Variants in ERC1 observed in about 807,000 individuals in gnomAD.
ERC1 encodes RAB6 interacting protein 2.
In ERC1, 56 loss-of-function variants were observed where a neutral mutation model predicts 132.0. The ratio of observed to expected loss-of-function variants is 0.42; its 90% CI spans 0.34 to 0.53. ERC1 has a LOEUF of 0.53. ERC1 is among the 20% of genes least tolerant of loss of function. ERC1 has a pLI of 0.03. For missense variants in ERC1, 1,202 were observed against 1,349.9 expected, an observed-to-expected ratio of 0.89 and a Z score of 1.72; for synonymous variants, 478 against 476.1, an observed-to-expected ratio of 1.00 and a Z score of -0.05.
intron 7 of ERC1, among the ~76,000 whole-genome samples, chr12:1,139,795 G>A (rs187425977): frequency 5.9e-4 from 89 of 151,344 alleles, no homozygotes; most frequent in African/African-American, 2.0e-3. Context: ...GAATAGAGAC[G>A]AATGATAAAA....
intron 15 of ERC1, among the ~76,000 whole-genome samples, chr12:1,362,991 A>G (rs936601984): frequency 5.3e-5 from 8 of 152,216 alleles, no homozygotes; most frequent in African/African-American, 1.9e-4. Flanking sequence ...GGAATAATAT[A>G]AATACAATAA....
chr12:1,020,418 C>T (rs571629763), intron 1 of ERC1, among the ~76,000 whole-genome samples: 1 of 152,334 alleles, frequency 6.6e-6, no homozygotes, highest in African/African-American at 2.4e-5. Context: ...GATTGTGCTA[C>T]TGCACTCCAG....
At chr12:1,091,998 A>ATTTTTTT (rs1257379725) in intron 3 of ERC1, among the ~76,000 whole-genome samples, 1 of 103,242 alleles carries the variant, frequency 9.7e-6, no homozygotes, top group Non-Finnish European at 2.3e-5. Flanking sequence ...CATTTAATCA[A>ATTTTTTT]TTCTTTTTTT....
chr12:1,284,282 G>GTGTGTGTGTGTC (rs2078894742), intron 14 of ERC1, among the ~76,000 whole-genome samples: 6 of 141,502 alleles, frequency 4.2e-5, no homozygotes, highest in Admixed American at 4.0e-4. Context: ...GTGTGTGTGT[G>GTGTGTGTGTGTC]TGTGTGTGTG....
In ERC1 at chr12:1,122,549, C is replaced by A. The variant is rs1947610045; in HGVS notation, c.1569+6516C>A. On this transcript the variant is annotated intron_variant, in intron 7 of 18. Transcript: ENST00000360905. ...TCTCTATCTCTATCTCTATCTGTGT[C>A]TCTATCTCTATCTCTATCTGTGTCT... Among the ~76,000 whole-genome samples, 5 of 40,506 alleles carry A rather than the reference C, an allele frequency of 1.2e-4. 1 individual carries two copies. The highest frequency in any genetic ancestry group is 1.3e-3 in the South Asian group (2 of 1,590). The allele number at this position is 40,506 out of a possible 152,430, so 26.6% of individuals were successfully genotyped here. A position where few individuals can be genotyped will look rare whatever the true frequency, so the allele number is the denominator to read the frequency against.
At chr12:1,335,002 A>G (rs1290621589) in intron 15 of ERC1, among the ~76,000 whole-genome samples, 1 of 152,088 alleles carries the variant, frequency 6.6e-6, no homozygotes, top group African/African-American at 2.4e-5. Context: ...GTGTAAATGG[A>G]ATTACATTCC....
chr12:1,491,058 C>T lies in ERC1; in HGVS notation c.*828C>T. 4.3e-6 allele frequency: 1 copy of T among 232,970 alleles called. No individual in the cohort carries two copies. Among genetic ancestry groups the T allele is most frequent in the Admixed American group, 5.6e-5 (1 of 17,794 alleles). The allele number at this position is 232,970 out of a possible 1,614,324, so 14.4% of individuals were successfully genotyped here. On this transcript the variant is annotated 3_prime_UTR_variant, in exon 19 of 19. Transcript: ENST00000360905. ...GTTGAAAGAGCACCAGCCAGGGCAA[C>T]ATAGCGTGACCCTGTCTCTACAAAA... is the stretch of plus-strand genomic sequence containing the variant.
At chr12:1,070,275 CTTCTTTTTTTCTTACT>C (rs1315597821) in intron 2 of ERC1, among the ~76,000 whole-genome samples, 2 of 151,600 alleles carry the variant, frequency 1.3e-5, no homozygotes, top group East Asian at 1.9e-4. Context: ...ATTATCATCC[CTTCTTTTTTTCTTACT>C]TTCTTTTTTT....
At chr12:1,343,920 T>C (rs61913099) in intron 15 of ERC1, among the ~76,000 whole-genome samples, 64,805 of 151,880 alleles carry the variant, frequency 0.43, 14,281 homozygotes, top group Middle Eastern at 0.51. Context: ...CCGCTCACTG[T>C]AAGCTCCGCC....
chr12:1,016,352 TTAA>T (rs1450385262), intron 1 of ERC1, among the ~76,000 whole-genome samples: 2 of 152,246 alleles, frequency 1.3e-5, no homozygotes, highest in African/African-American at 4.8e-5. Flanking sequence ...TTCATTTGTC[TTAA>T]TGATATTTGG....
intron 18 of ERC1, among the ~76,000 whole-genome samples, chr12:1,458,138 G>T (rs1050164922): frequency 6.6e-6 from 1 of 152,194 alleles, no homozygotes; most frequent in Non-Finnish European, 1.5e-5. Flanking sequence ...AGCATAGCTG[G>T]TGTGTTTGTC....
intron 6 of ERC1, chr12:1,115,538 T>C (rs1006832346): frequency 4.0e-6 from 1 of 248,006 alleles, no homozygotes; most frequent in African/African-American, 2.3e-5. Context: ...ACAGTGGTGT[T>C]CAGTTGCTTA....
At chr12:1,233,470 CAAAA>C (rs60542316) in intron 12 of ERC1, among the ~76,000 whole-genome samples, 4 of 71,496 alleles carry the variant, frequency 5.6e-5, no homozygotes, top group Admixed American at 1.9e-4. Flanking sequence ...GACCCTGTCT[CAAAA>C]AAAAAAAAAA....
chr12:1,458,576 C>T (rs2093587678), intron 18 of ERC1, among the ~76,000 whole-genome samples: 2 of 150,128 alleles, frequency 1.3e-5, no homozygotes, highest in African/African-American at 4.9e-5. Context: ...CTCTTGTTGC[C>T]CAGGCTGAAG....
At chr12:1,250,404 G>C (rs75388863) in intron 13 of ERC1, among the ~76,000 whole-genome samples, 2 of 152,012 alleles carry the variant, frequency 1.3e-5, no homozygotes, top group Admixed American at 6.6e-5. Flanking sequence ...AATTGCCCCT[G>C]TGTGATTTAA....
intron 1 of ERC1, among the ~76,000 whole-genome samples, chr12:992,240 G>A (rs1333761817): frequency 6.6e-6 from 1 of 152,104 alleles, no homozygotes; most frequent in Admixed American, 6.5e-5. Flanking sequence ...TTGAGAGAAG[G>A]CCCCAAACTC....
chr12:1,479,072 TC>T (rs2094033704), intron 18 of ERC1, among the ~76,000 whole-genome samples: 1 of 152,204 alleles, frequency 6.6e-6, no homozygotes. Context: ...GACCATCTTT[TC>T]CCAGTGCACA....
chr12:995,049 T>C (rs1960526441), intron 1 of ERC1, among the ~76,000 whole-genome samples: 1 of 150,614 alleles, frequency 6.6e-6, no homozygotes, highest in Non-Finnish European at 1.5e-5. Context: ...TGAGTGGAGA[T>C]CGTGCTATTG....
intron 2 of ERC1, among the ~76,000 whole-genome samples, chr12:1,036,686 T>G (rs770593761): frequency 6.6e-6 from 1 of 152,190 alleles, no homozygotes; most frequent in Non-Finnish European, 1.5e-5. Context: ...TTAAATAAAC[T>G]TTGTCATGAG....
Sources: gnomAD v4.1 joint callset for allele counts (sites outside exome capture counted in the v4.1 genomes callset) on GRCh38, gnomAD v4.1.1 for gene constraint, MANE v1.5 for transcripts, NCBI Gene and HGNC (gene_info 2026-07-23, HGNC 2026-07-21) for gene names.